Variants in DENND1A observed in about 807,000 individuals in gnomAD.
The protein encoded by DENND1A is DENN domain containing 1A.
A neutral mutation model predicts 113.7 loss-of-function variants in DENND1A; 51 were observed. That is an observed-to-expected ratio of 0.45 (90% CI 0.36 to 0.57). The LOEUF (loss-of-function observed/expected upper bound fraction) is 0.57, where lower values mean the gene tolerates loss of function less well. Ranked by LOEUF, DENND1A falls within the 20% of genes least tolerant of loss-of-function variation. The pLI is 0.00. For missense variants in DENND1A, 1,258 were observed against 1,395.9 expected (o/e 0.90, Z 1.57); for synonymous variants, 565 against 570.8 (o/e 0.99, Z 0.14).
intron 2 of DENND1A, among the ~76,000 whole-genome samples, chr9:123,816,653 C>CAGG (rs1837540627): frequency 6.6e-6 from 1 of 152,202 alleles, no homozygotes; most frequent in African/African-American, 2.4e-5. Context: ...ACCTGGTCCT[C>CAGG]TCACACTACC....
At chr9:123,536,779 T>C (rs1462427227) in intron 13 of DENND1A, among the ~76,000 whole-genome samples, 4 of 151,716 alleles carry the variant, frequency 2.6e-5, no homozygotes, top group East Asian at 3.9e-4. Flanking sequence ...GGACAGGAAA[T>C]GGAGGTCTAG....
At chr9:123,557,760 C>A (rs2136046068) in intron 12 of DENND1A, 65 bp from the exon 13 acceptor site, 2 of 1,576,846 alleles carry the variant, frequency 1.3e-6, no homozygotes, top group East Asian at 2.3e-5. Context: ...CTGACTAAGC[C>A]CACTACATAT....
chr9:123,719,391 T>C (rs2067187252), intron 5 of DENND1A, among the ~76,000 whole-genome samples: 1 of 152,196 alleles, frequency 6.6e-6, no homozygotes, highest in African/African-American at 2.4e-5. Context: ...TGGCTGCCAC[T>C]GCCGTGGATG....
intron 10 of DENND1A, among the ~76,000 whole-genome samples, chr9:123,618,089 G>A (rs2060747973): frequency 6.6e-6 from 1 of 152,180 alleles, no homozygotes; most frequent in Non-Finnish European, 1.5e-5. Context: ...ACCCGCACTT[G>A]CTGAGAGGTC....
chr9:123,736,320 G>T (rs755487760), intron 5 of DENND1A: 1 of 152,152 alleles, frequency 6.6e-6, no homozygotes, highest in African/African-American at 2.4e-5. Flanking sequence ...ACAGGCTCCG[G>T]GCGGAGTCTA....
chr9:123,862,720 C>A (rs998303449), intron 2 of DENND1A, among the ~76,000 whole-genome samples: 1 of 152,156 alleles, frequency 6.6e-6, no homozygotes, highest in Non-Finnish European at 1.5e-5. Context: ...CCATCCACCA[C>A]CCCTCACCCC....
At chr9:123,777,341 G>A (rs1163660753) in intron 3 of DENND1A, among the ~76,000 whole-genome samples, 6 of 152,260 alleles carry the variant, frequency 3.9e-5, no homozygotes, top group African/African-American at 9.6e-5. Flanking sequence ...GGGATTAGTC[G>A]AGCTTGTTTA....
At chr9:123,812,168 C>G (rs1000083788) in intron 2 of DENND1A, among the ~76,000 whole-genome samples, 1 of 152,090 alleles carries the variant, frequency 6.6e-6, no homozygotes, top group African/African-American at 2.4e-5. Flanking sequence ...TATAAATGCA[C>G]CCATGATAAA....
intron 2 of DENND1A, among the ~76,000 whole-genome samples, chr9:123,832,292 T>C (rs1348291073): frequency 6.6e-6 from 1 of 152,114 alleles, no homozygotes; most frequent in Non-Finnish European, 1.5e-5. Flanking sequence ...ACTTCATGGG[T>C]AATCAGGAAA....
chr9:123,546,611 C>A (rs894061504), intron 13 of DENND1A, among the ~76,000 whole-genome samples: 2 of 152,058 alleles, frequency 1.3e-5, no homozygotes, highest in African/African-American at 4.8e-5. Context: ...TGACCACCAG[C>A]CTTTCTGATG....
intron 11 of DENND1A, among the ~76,000 whole-genome samples, chr9:123,585,014 G>C (rs920159148): frequency 6.6e-6 from 1 of 152,134 alleles, no homozygotes; most frequent in African/African-American, 2.4e-5. Flanking sequence ...GGCAGAACAT[G>C]GTACCTAAGT....
intron 8 of DENND1A, 136 bp downstream of exon 8, chr9:123,666,890 G>T (rs944764375): frequency 1.2e-6 from 1 of 800,624 alleles, no homozygotes. Context: ...TTATACTTTT[G>T]TTTTTATAAT....
intron 13 of DENND1A, among the ~76,000 whole-genome samples, chr9:123,498,018 G>A (rs1053277172): frequency 6.6e-6 from 1 of 152,200 alleles, no homozygotes; most frequent in Admixed American, 6.5e-5. Context: ...CAGGGATGAA[G>A]AAAGATATGC....
chr9:123,435,903 G>A (rs560642103), intron 19 of DENND1A, among the ~76,000 whole-genome samples: 1 of 152,320 alleles, frequency 6.6e-6, no homozygotes, highest in Admixed American at 6.5e-5. Context: ...TTCCTCACCC[G>A]CTGATGGCAA....
intron 13 of DENND1A, among the ~76,000 whole-genome samples, chr9:123,470,703 C>T (rs995652071): frequency 6.6e-6 from 1 of 152,200 alleles, no homozygotes; most frequent in African/African-American, 2.4e-5. Context: ...AAAGCCCTAA[C>T]CCCCTAACTG....
intron 2 of DENND1A, among the ~76,000 whole-genome samples, chr9:123,814,213 T>C (rs1564323798): frequency 6.6e-6 from 1 of 152,184 alleles, no homozygotes; most frequent in African/African-American, 2.4e-5. Flanking sequence ...ACACGGACAT[T>C]AATAATTTAC....
chr9:123,653,934 G>C (rs2062801112), intron 8 of DENND1A, among the ~76,000 whole-genome samples: 1 of 151,240 alleles, frequency 6.6e-6, no homozygotes, highest in Admixed American at 6.6e-5. Flanking sequence ...GGAAGTCTCA[G>C]TAGACTTCTA....
intron 13 of DENND1A, among the ~76,000 whole-genome samples, chr9:123,526,711 A>T (rs1232505535): frequency 2.6e-5 from 4 of 152,158 alleles, no homozygotes; most frequent in Non-Finnish European, 5.9e-5. Flanking sequence ...TTGGCATGTT[A>T]TCCTGGATTT....
intron 1 of DENND1A, among the ~76,000 whole-genome samples, chr9:123,905,030 A>C (rs1852501187): frequency 1.3e-5 from 2 of 152,210 alleles, no homozygotes; most frequent in South Asian, 2.1e-4. Flanking sequence ...CCTACAAGCC[A>C]GAAGAGAGTG....
Sources: gnomAD v4.1 joint callset for allele counts (sites outside exome capture counted in the v4.1 genomes callset) on GRCh38, gnomAD v4.1.1 for gene constraint, MANE v1.5 for transcripts, NCBI Gene and HGNC (gene_info 2026-07-23, HGNC 2026-07-21) for gene names.